The following LHX8 variants were observed in gnomAD, a reference collection of about 807,000 sequenced individuals.
LHX8 encodes the protein LIM homeobox 8.
In LHX8, 12 loss-of-function variants were observed where a neutral mutation model predicts 40.3. That is an observed-to-expected ratio of 0.30 (90% CI 0.19 to 0.48). The LOEUF (loss-of-function observed/expected upper bound fraction) is 0.48, where lower values mean the gene tolerates loss of function less well. Ranked by LOEUF, LHX8 falls within the 20% of genes least tolerant of loss-of-function variation. The probability of loss-of-function intolerance (pLI) is 0.99; values close to 1 mark genes in which losing one functional copy is unlikely to be tolerated. For missense variants in LHX8, 344 were observed against 433.7 expected, an observed-to-expected ratio of 0.79 and a Z score of 1.84; for synonymous variants, 179 against 162.0, an observed-to-expected ratio of 1.10 and a Z score of -0.80.
the LHX8 span, among the ~76,000 whole-genome samples, chr1:75,188,380 C>A: frequency 6.6e-6 from 1 of 152,154 alleles, no homozygotes; most frequent in Non-Finnish European, 1.5e-5. Flanking sequence ...GAAATATACA[C>A]CTTGTAAATT....
At chr1:75,184,635 T>G in the LHX8 span, among the ~76,000 whole-genome samples, 1 of 152,112 alleles carries the variant, frequency 6.6e-6, no homozygotes, top group South Asian at 2.1e-4. Flanking sequence ...GAGGGATATT[T>G]ATAGCATTAA....
At chr1:75,168,441 G>A in the LHX8 span, among the ~76,000 whole-genome samples, 1 of 152,090 alleles carries the variant, frequency 6.6e-6, no homozygotes, top group Non-Finnish European at 1.5e-5. Context: ...TTGCCAGGCT[G>A]GTCTTGAGCT....
the LHX8 span, among the ~76,000 whole-genome samples, chr1:75,178,160 G>A: frequency 6.6e-6 from 1 of 152,232 alleles, no homozygotes. Context: ...TCTCTGCCAG[G>A]CCTTGGTATC....
chr1:75,176,388 A>C, the LHX8 span, among the ~76,000 whole-genome samples: 10 of 152,246 alleles, frequency 6.6e-5, no homozygotes, highest in Admixed American at 3.9e-4. Flanking sequence ...ATAATATCTC[A>C]TTGTGGTTTT....
intron 7 of LHX8, among the ~76,000 whole-genome samples, chr1:75,153,684 C>G (rs1648676759): frequency 6.6e-6 from 1 of 152,242 alleles, no homozygotes; most frequent in African/African-American, 2.4e-5. Flanking sequence ...GCTGGGACTA[C>G]AGGTGTGAGC....
At chr1:75,144,894 C>T (rs1363790195) in intron 6 of LHX8, among the ~76,000 whole-genome samples, 1 of 152,024 alleles carries the variant, frequency 6.6e-6, no homozygotes, top group Non-Finnish European at 1.5e-5. Flanking sequence ...ATTCTAAGAC[C>T]TGCCAGTATT....
chr1:75,156,967 A>G lies in LHX8; in HGVS notation c.855A>G (p.Thr285=), dbSNP rs1445243866. 1 of 1,614,156 alleles carries G rather than the reference A, an allele frequency of 6.2e-7. No individual in the cohort carries two copies. The highest frequency in any genetic ancestry group is 1.7e-5 in the Admixed American group (1 of 60,012). Residue 285 remains threonine (T), a synonymous_variant, in exon 8 of 9, where the codon ACA becomes ACG. Coordinates refer to ENST00000356261, the MANE Select transcript of LHX8 (RefSeq NM_001256114.2). ...ATCACTCATCCTCCACCCCAGTCAC[A>G]GCAGTCCCACCCTCCAGGCTGTCTC... The part of the protein sequence containing the change: ...SPNHSSSTPV[T]AVPPSRLSPP...
downstream of LHX8, among the ~76,000 whole-genome samples, chr1:75,163,837 G>A (rs1010175646): frequency 2.0e-5 from 3 of 152,214 alleles, no homozygotes; most frequent in Admixed American, 6.5e-5. Context: ...CAGGTCATGA[G>A]GGAAGAACCC....
the LHX8 span, among the ~76,000 whole-genome samples, chr1:75,174,781 C>A: frequency 1.3e-5 from 2 of 151,920 alleles, no homozygotes; most frequent in Non-Finnish European, 2.9e-5. Flanking sequence ...CTTCACAATT[C>A]CTGGTTTTCT....
chr1:75,137,768 C>T (rs1258374214), intron 3 of LHX8, among the ~76,000 whole-genome samples: 1 of 152,160 alleles, frequency 6.6e-6, no homozygotes, highest in African/African-American at 2.4e-5. Context: ...TGGTGAAAGC[C>T]ACTGTAAAGT....
chr1:75,137,295 G>A (rs781308837), intron 3 of LHX8, 34 bp downstream of exon 3: 1 of 1,603,860 alleles, frequency 6.2e-7, no homozygotes, highest in South Asian at 1.1e-5. Flanking sequence ...GGCCCAAGGG[G>A]AGCGGGCTTA....
chr1:75,142,076 A>G (rs1240805047), intron 4 of LHX8, among the ~76,000 whole-genome samples: 1 of 152,130 alleles, frequency 6.6e-6, no homozygotes, highest in African/African-American at 2.4e-5. Context: ...AATATTGGTA[A>G]TAATTTGCTT....
chr1:75,160,910 A>G lies in LHX8; in HGVS notation c.*15A>G. ...GTCATACCTAATTCTTTTTTCAGGG[A>G]TAGACTTGATTAAGGATATAAATTT... On this transcript the variant is annotated 3_prime_UTR_variant, in exon 9 of 9. Transcript: ENST00000356261. 6.5e-7 allele frequency: 1 copy of G among 1,547,656 alleles called. No individual in the cohort carries two copies. Among genetic ancestry groups the G allele is most frequent in the Non-Finnish European group, 8.9e-7 (1 of 1,119,584 alleles).
chr1:75,191,810 C>G, the LHX8 span, among the ~76,000 whole-genome samples: 1 of 152,260 alleles, frequency 6.6e-6, no homozygotes, highest in Non-Finnish European at 1.5e-5. Context: ...AGTGTTAGAT[C>G]AAAATTGCAC....
the LHX8 span, among the ~76,000 whole-genome samples, chr1:75,170,532 TA>T: frequency 6.6e-6 from 1 of 152,210 alleles, no homozygotes; most frequent in Non-Finnish European, 1.5e-5. Context: ...GCAGAGTGCT[TA>T]AAAATCACTG....
chr1:75,137,754 C>G (rs1281231642), intron 3 of LHX8, among the ~76,000 whole-genome samples: 1 of 152,182 alleles, frequency 6.6e-6, no homozygotes, highest in Admixed American at 6.5e-5. Flanking sequence ...TGCAGTGTCT[C>G]TTTTGGTGAA....
chr1:75,152,458 C>T (rs1030600910), intron 7 of LHX8, among the ~76,000 whole-genome samples: 3 of 152,166 alleles, frequency 2.0e-5, no homozygotes, highest in African/African-American at 4.8e-5. Context: ...TAAACTATTG[C>T]TATTTCTTCC....
intron 3 of LHX8, among the ~76,000 whole-genome samples, chr1:75,138,684 G>C (rs1311304878): frequency 6.6e-6 from 1 of 152,098 alleles, no homozygotes; most frequent in Non-Finnish European, 1.5e-5. Flanking sequence ...ACCTATGAAG[G>C]CTCTAACACT....
chr1:75,130,678 G>A (rs1412012408), upstream of LHX8: 3 of 1,608,472 alleles, frequency 1.9e-6, no homozygotes, highest in Admixed American at 5.0e-5. Flanking sequence ...AAGTCCCAAG[G>A]TGAGCCCGTA....
Sources: allele counts gnomAD v4.1 joint callset (sites outside exome capture counted in the v4.1 genomes callset), GRCh38; gene constraint gnomAD v4.1.1; transcripts MANE v1.5; gene names NCBI Gene and HGNC (gene_info 2026-07-23, HGNC 2026-07-21).